MYH14: variants seen among roughly 807,000 people sequenced by gnomAD.
MYH14 encodes the protein myosin-14.
Under a neutral mutation model 255.5 loss-of-function variants are expected in MYH14, and 123 were observed. That is an observed-to-expected ratio of 0.48 (90% CI 0.42 to 0.56). The LOEUF (loss-of-function observed/expected upper bound fraction) is 0.56, where lower values mean the gene tolerates loss of function less well. Ranked by LOEUF, MYH14 falls within the 20% of genes least tolerant of loss-of-function variation. MYH14 has a pLI of 0.00. For synonymous variants in MYH14, 1,095 were observed against 1,161.2 expected (o/e 0.94, Z 1.16); for missense variants, 2,423 against 2,802.3 (o/e 0.86, Z 3.06).
chr19:50,269,976 G>A (rs1430230535), intron 24 of MYH14, among the ~76,000 whole-genome samples: 1 of 152,086 alleles, frequency 6.6e-6, no homozygotes, highest in African/African-American at 2.4e-5. Context: ...GTGTAATCCC[G>A]GCACTTTGGG....
chr19:50,276,685 A>C lies in MYH14; in HGVS notation c.3681-72A>C. On this transcript the variant is annotated intron_variant, in intron 28 of 42. Transcript: ENST00000642316. This position sits in a 1 kb window ranked among gnomAD's most constrained non-coding sequence, Gnocchi z 4.3. The stretch of plus-strand genomic sequence containing the variant: ...TTAAGGAAACATGAAAAGGAGAAAC[A>C]ACCAGCTCCCCCAAAGCCCCTGCCT... 1 of 1,597,920 alleles carries C rather than the reference A, an allele frequency of 6.3e-7. No homozygotes were observed. The highest frequency in any genetic ancestry group is 2.2e-5 in the East Asian group (1 of 44,816).
At position 50,207,546 on chromosome 19, in the gene MYH14, C is replaced by A. The variant is rs1375367121; in HGVS notation, c.-3-2817C>A. Among the ~76,000 whole-genome samples the A allele has an allele frequency of 3.3e-5, 5 of 152,214 alleles. No homozygotes were observed. The East Asian group carries it at 9.7e-4, about 29-fold the overall frequency. ...CTCCAGGCAGGGCTCCCAGCCTACT[C>A]TTCTCTGGGTCCTCAGGCCCACTCG... On this transcript the variant is annotated intron_variant, in intron 1 of 42. Coordinates refer to ENST00000642316, the MANE Select transcript of MYH14 (RefSeq NM_001145809.2).
Position 50,301,708 on chromosome 19 carries a change from C to T in MYH14, c.5517C>T (p.Ala1839=). 2 of 1,613,814 alleles carry T rather than the reference C, an allele frequency of 1.2e-6. No individual in the cohort carries two copies. The highest frequency in any genetic ancestry group is 1.7e-6 in the Non-Finnish European group (2 of 1,179,800). Reference sequence around the variant, plus strand: ...TGTCAGCTGAGCGCAGTTTCTCAGCCAAGGCAGAGAGCGGGCGGCAGCAGC... The same window carrying T: ...TGTCAGCTGAGCGCAGTTTCTCAGCTAAGGCAGAGAGCGGGCGGCAGCAGC... ...TELSAERSFS[A]KAESGRQQLE... is the part of the protein sequence containing the mutation. The change falls in exon 40 of 43, where the codon GCC becomes GCT. Residue 1839 remains alanine, a synonymous_variant. Transcript: ENST00000642316.
At position 50,227,183 on chromosome 19, in the gene MYH14, C is replaced by A. The variant is rs75909416; in HGVS notation, c.874+217C>A. Among the ~76,000 whole-genome samples the A allele has an allele frequency of 1.5e-3, 233 of 152,136 alleles. 10 individuals are homozygous for A. The East Asian group carries it at 0.041, about 27-fold the overall frequency. ...ATGGGGTGGTGGGTTGGGGTCCACC[C>A]AGTTCAGCCATAAGGGGAGTCCCAG... On this transcript the variant is annotated intron_variant, in intron 8 of 42. Transcript: ENST00000642316.
At chr19:50,278,419 A>C (rs2035590399) in intron 30 of MYH14, 130 bp downstream of exon 30, 1 of 639,984 alleles carries the variant, frequency 1.6e-6, no homozygotes, top group African/African-American at 1.9e-5. Context: ...ATCATGTACA[A>C]GTCTGGGCAC....
In MYH14 at chr19:50,278,231, G is replaced by A. The variant is rs201181045; in HGVS notation, c.3974G>A (p.Arg1325Gln). The A allele has an allele frequency of 6.2e-6, 10 of 1,600,104 alleles. No homozygotes were observed. The East Asian group carries it at 1.1e-4, about 18-fold the overall frequency. Residue 1325 changes from arginine (R) to glutamine (Q), a missense_variant, in exon 30 of 43, where the codon CGG (arginine) becomes CAG (glutamine). By Grantham distance (43) the Arg-to-Gln change is conservative. Around this residue, in one of 3 missense-constraint regions of MYH14, gnomAD observed 1,513 missense variants for 1,674.8 expected, o/e 0.90. Transcript: ENST00000642316. ...LELQLQEVQG[R>Q]AGDGERARAE... ...TTACAGCTGCAGGAGGTGCAGGGCC[G>A]GGCTGGTGATGGGGAGAGGGCACGA...
At chr19:50,229,953 C>T (rs763381599) in intron 8 of MYH14, among the ~76,000 whole-genome samples, 8 of 152,140 alleles carry the variant, frequency 5.3e-5, no homozygotes, top group East Asian at 1.9e-4. Context: ...CTCACTCTGT[C>T]GCCCAGGCTG....
chr19:50,297,280 G>A (rs568474246), intron 39 of MYH14, among the ~76,000 whole-genome samples: 1 of 151,664 alleles, frequency 6.6e-6, no homozygotes, highest in African/African-American at 2.4e-5. Flanking sequence ...CACCGCGCCC[G>A]GCCAGGAATG....
chr19:50,204,762 G>T (rs1367412136), intron 1 of MYH14, among the ~76,000 whole-genome samples: 1 of 152,168 alleles, frequency 6.6e-6, no homozygotes, highest in Non-Finnish European at 1.5e-5. Flanking sequence ...GGGCGTGGTG[G>T]CGTGACCCTG....
chr19:50,253,601 T>G (rs951820526), intron 16 of MYH14, among the ~76,000 whole-genome samples: 8 of 152,164 alleles, frequency 5.3e-5, no homozygotes, highest in African/African-American at 1.9e-4. Flanking sequence ...AAAAACAGAC[T>G]GAGATACAGT....
chr19:50,242,089 G>A (rs911302343), intron 10 of MYH14, among the ~76,000 whole-genome samples: 1 of 152,176 alleles, frequency 6.6e-6, no homozygotes, highest in African/African-American at 2.4e-5. Flanking sequence ...TTTTTCAGAA[G>A]CCATGTGGGC....
Position 50,261,580 on chromosome 19 carries a change from G to A in MYH14, c.2530G>A (p.Val844Ile), listed in dbSNP as rs1388820820. ...AQLEEERDLK[V>I]TDIIVSFQAA... ...GCTGGAAGAGGAGCGAGACCTGAAG[G>A]TCACCGACATCATCGTCTCCTTCCA... Residue 844 changes from valine (V) to isoleucine (I), a missense_variant, in exon 21 of 43, where the codon GTC becomes ATC. Coordinates refer to ENST00000642316, the MANE Select transcript of MYH14 (RefSeq NM_001145809.2). 2 of 1,603,404 alleles carry A rather than the reference G, an allele frequency of 1.2e-6. No homozygotes were observed. The highest frequency in any genetic ancestry group is 2.7e-5 in the African/African-American group (2 of 73,224).
Position 50,247,240 on chromosome 19 carries a change from C to T in MYH14, c.1329+118C>T, listed in dbSNP as rs1947424. ...ACAGACTTTTGCTGAGTGCCCGCTC[C>T]GTTACCGATCCTGGTCTAGGTGCCA... is the stretch of plus-strand genomic sequence containing the variant. On this transcript the variant is annotated intron_variant, in intron 12 of 42. Transcript: ENST00000642316. 0.13 allele frequency: 92,576 copies of T among 689,524 alleles called. 6,913 individuals carry two copies. Among genetic ancestry groups the T allele is most frequent in the Admixed American group, 0.25 (11,026 of 43,950 alleles). The allele number at this position is 689,524 out of a possible 1,614,324, so 42.7% of individuals were successfully genotyped here.
chr19:50,271,513 G>C lies in MYH14; in HGVS notation c.3138G>C (p.Leu1046=), dbSNP rs1330654443. The C allele has an allele frequency of 1.3e-5, 21 of 1,606,396 alleles. No individual in the cohort carries two copies. Among genetic ancestry groups the C allele is most frequent in the Non-Finnish European group, 1.8e-5 (21 of 1,176,638 alleles). The change falls in exon 25 of 43, where the codon CTG becomes CTC. Residue 1046 remains leucine, a synonymous_variant. Coordinates refer to ENST00000642316, the MANE Select transcript of MYH14 (RefSeq NM_001145809.2). ...AKMKKFEEDL[L]LLEDQNSKLS... Reference sequence around the variant, plus strand: ...TGAAGAAATTTGAAGAGGACCTGCTGCTCCTGGAAGACCAGAATTCCAAGC... The same window carrying C: ...TGAAGAAATTTGAAGAGGACCTGCTCCTCCTGGAAGACCAGAATTCCAAGC...
chr19:50,260,748 CGTGT>C (rs149039486), intron 20 of MYH14, 33 bp downstream of exon 20: 3 of 1,318,792 alleles, frequency 2.3e-6, no homozygotes, highest in East Asian at 5.0e-5. Context: ...TGCGTGTGTG[CGTGT>C]GTGTGTGTGC....
At position 50,280,492 on chromosome 19, in the gene MYH14, C is replaced by A. The variant is rs1008814678; in HGVS notation, c.4290+109C>A. 1.7e-6 allele frequency: 2 copies of A among 1,181,510 alleles called. No homozygotes were observed. The highest frequency in any genetic ancestry group is 1.2e-6 in the Non-Finnish European group (1 of 863,814). The allele number at this position is 1,181,510 out of a possible 1,614,324, so 73.2% of individuals were successfully genotyped here. On this transcript the variant is annotated intron_variant, in intron 32 of 42. Coordinates refer to ENST00000642316, the MANE Select transcript of MYH14 (RefSeq NM_001145809.2). This position sits in a 1 kb window ranked among gnomAD's most constrained non-coding sequence, Gnocchi z 4.8. ...GCTGCCCACCTTCTCATAGGCCAGA[C>A]CCATGGGTGCCTTTCTCATCTCTGA... is the stretch of plus-strand genomic sequence containing the variant.
Position 50,281,582 on chromosome 19 carries a change from TC to T in MYH14, c.4291-10del. On this transcript the variant is annotated splice_polypyrimidine_tract_variant and intron_variant, in intron 32 of 42. Coordinates refer to ENST00000642316, the MANE Select transcript of MYH14 (RefSeq NM_001145809.2). ...CCGTGACCACCAACCACCCTCTCTC[TC>T]CTCCCCTCAGCTTTCCGAGTGGCGG... is the stretch of plus-strand genomic sequence containing the variant. The T allele has an allele frequency of 6.4e-7, 1 of 1,568,734 alleles. No individual in the cohort carries two copies. The highest frequency in any genetic ancestry group is 8.6e-7 in the Non-Finnish European group (1 of 1,157,988).
At chr19:50,235,249 T>G (rs1387239722) in intron 10 of MYH14, among the ~76,000 whole-genome samples, 2 of 151,638 alleles carry the variant, frequency 1.3e-5, no homozygotes, top group South Asian at 4.2e-4. Flanking sequence ...TCCCAGCTAC[T>G]CAGGAGGCTG....
At chr19:50,309,304 G>C in intron 42 of MYH14, 127 bp downstream of exon 42, 2 of 956,314 alleles carry the variant, frequency 2.1e-6, no homozygotes, top group Admixed American at 3.9e-5. Context: ...TGGGGCTGTG[G>C]GAGCAGCGGC....
Sources: gnomAD v4.1 joint callset for allele counts (sites outside exome capture counted in the v4.1 genomes callset) on GRCh38, gnomAD v4.1.1 for gene constraint, gnomAD v4.1.1 regional missense constraint, Gnocchi (gnomAD v3.1) non-coding constraint, MANE v1.5 for transcripts, NCBI Gene and HGNC (gene_info 2026-07-23, HGNC 2026-07-21) for gene names.